The following CACNA2D3 variants were observed in gnomAD, a reference collection of about 807,000 sequenced individuals.
CACNA2D3 encodes the protein voltage-dependent calcium channel subunit alpha-2/delta-3.
Under a neutral mutation model 160.6 loss-of-function variants are expected in CACNA2D3, and 60 were observed. The observed-to-expected ratio is 0.37, with a 90% CI of 0.30 to 0.46. The LOEUF (loss-of-function observed/expected upper bound fraction) is 0.46. Among genes scored for constraint, CACNA2D3 ranks in the 20% least tolerant of loss-of-function variants. The pLI, the probability that CACNA2D3 is intolerant of heterozygous loss-of-function variation, is 1.00. For synonymous variants in CACNA2D3, 558 were observed against 492.9 expected (o/e 1.13, Z -1.75); for missense variants, 1,205 against 1,365.0 (o/e 0.88, Z 1.85).
chr3:54,786,919 A>G (rs760505679), intron 13 of CACNA2D3, among the ~76,000 whole-genome samples: 1 of 152,216 alleles, frequency 6.6e-6, no homozygotes, highest in Non-Finnish European at 1.5e-5. Flanking sequence ...TGAATGTATG[A>G]CTTCAACTTG....
chr3:54,757,701 A>G (rs1047426818), intron 12 of CACNA2D3, among the ~76,000 whole-genome samples: 1 of 152,262 alleles, frequency 6.6e-6, no homozygotes, highest in Admixed American at 6.5e-5. Flanking sequence ...ACTAAGTGCC[A>G]GGCATAGAAC....
At chr3:54,504,808 G>A (rs148635967) in intron 5 of CACNA2D3, among the ~76,000 whole-genome samples, 1 of 152,162 alleles carries the variant, frequency 6.6e-6, no homozygotes, top group African/African-American at 2.4e-5. Context: ...GCCTTTCTGA[G>A]GCTCAGTTTC....
chr3:54,613,427 C>A (rs535017055), intron 9 of CACNA2D3, among the ~76,000 whole-genome samples: 2 of 152,278 alleles, frequency 1.3e-5, no homozygotes, highest in East Asian at 3.9e-4. Flanking sequence ...GTTTCCATTT[C>A]TTGTGAATTA....
At position 54,123,527 on chromosome 3, in the gene CACNA2D3, C is replaced by T. The variant is rs746985752; in HGVS notation, c.137C>T (p.Ala46Val). The T allele has an allele frequency of 1.2e-6, 2 of 1,613,692 alleles. No homozygotes were observed. Among genetic ancestry groups the T allele is most frequent in the Non-Finnish European group, 1.7e-6 (2 of 1,179,684 alleles). The stretch of plus-strand genomic sequence containing the variant: ...TCTCCCTGTAGGGTGAAGCTCTGGG[C>T]CTCGGCTTTTGGTGGGGAGATAAAA... ...QIPLSVVKLWASAFGGEIKSI... is the reference protein window; with the variant it reads ...QIPLSVVKLWVSAFGGEIKSI... The change falls in exon 2 of 38, where the codon GCC becomes GTC. Residue 46 changes from alanine to valine, a missense_variant. Physicochemically the swap from Ala to Val is moderately conservative, Grantham distance 64. This residue lies in a region of CACNA2D3 where 163 missense variants were observed against 161.3 expected (regional missense o/e 1.01). Coordinates refer to ENST00000474759, the MANE Select transcript of CACNA2D3 (RefSeq NM_018398.3).
At chr3:54,319,548 T>A (rs929492136) in intron 2 of CACNA2D3, among the ~76,000 whole-genome samples, 2 of 152,246 alleles carry the variant, frequency 1.3e-5, no homozygotes, top group South Asian at 4.1e-4. Flanking sequence ...AAAAGTGTTA[T>A]AAACTTCATT....
intron 29 of CACNA2D3, among the ~76,000 whole-genome samples, chr3:54,980,357 G>A (rs1178169742): frequency 6.6e-6 from 1 of 152,100 alleles, no homozygotes; most frequent in Admixed American, 6.5e-5. Flanking sequence ...TTTAACTTTA[G>A]TCAATGTCCA....
chr3:54,139,626 A>G (rs1699882895), intron 2 of CACNA2D3, among the ~76,000 whole-genome samples: 1 of 152,208 alleles, frequency 6.6e-6, no homozygotes, highest in Non-Finnish European at 1.5e-5. Context: ...AAGTTCTGTG[A>G]TATTTTAGAC....
chr3:55,042,448 C>A (rs1303896195), intron 35 of CACNA2D3, among the ~76,000 whole-genome samples: 1 of 152,154 alleles, frequency 6.6e-6, no homozygotes, highest in East Asian at 1.9e-4. Flanking sequence ...TTTGTCTGAT[C>A]TTAATTTAGC....
chr3:54,949,518 A>G (rs1701702071), intron 27 of CACNA2D3, among the ~76,000 whole-genome samples: 1 of 152,172 alleles, frequency 6.6e-6, no homozygotes, highest in Non-Finnish European at 1.5e-5. Context: ...GTTGGGTTCA[A>G]TGGCCCACTC....
intron 13 of CACNA2D3, among the ~76,000 whole-genome samples, chr3:54,792,711 AG>A (rs1702786017): frequency 6.6e-6 from 1 of 152,102 alleles, no homozygotes; most frequent in South Asian, 2.1e-4. Flanking sequence ...TTCCAGCTAA[AG>A]CCCTGGTGCC....
Position 54,636,841 on chromosome 3 carries a change from G to A in CACNA2D3, c.1054-5287G>A, listed in dbSNP as rs1406745730. On this transcript the variant is annotated intron_variant, in intron 10 of 37. Coordinates refer to ENST00000474759, the MANE Select transcript of CACNA2D3 (RefSeq NM_018398.3). ...TTTGGGCTTGACTGAAGTAATGGGG[G>A]CTGTCTGTGAAGCCTTGTGGCAGTA... is the stretch of plus-strand genomic sequence containing the variant. Among the ~76,000 whole-genome samples, 4 of 152,036 alleles carry A rather than the reference G, an allele frequency of 2.6e-5. No individual in the cohort carries two copies. In the East Asian group the frequency reaches 7.7e-4, roughly 29 times the overall value.
At chr3:54,188,188 A>G (rs913515320) in intron 2 of CACNA2D3, among the ~76,000 whole-genome samples, 5 of 152,030 alleles carry the variant, frequency 3.3e-5, no homozygotes, top group South Asian at 2.1e-4. Flanking sequence ...CATCTTTTCT[A>G]TTGCAACTCA....
chr3:54,867,919 A>T (rs776053631), intron 17 of CACNA2D3, among the ~76,000 whole-genome samples: 3 of 152,210 alleles, frequency 2.0e-5, no homozygotes, highest in Admixed American at 6.5e-5. Flanking sequence ...CACATGAAGG[A>T]TGGTTGTACC....
At chr3:54,304,773 C>T (rs1703558360) in intron 2 of CACNA2D3, among the ~76,000 whole-genome samples, 1 of 152,140 alleles carries the variant, frequency 6.6e-6, no homozygotes, top group Non-Finnish European at 1.5e-5. Flanking sequence ...TATTTTTCTC[C>T]ATTTTAGGTT....
At chr3:54,143,777 G>C (rs1235708352) in intron 2 of CACNA2D3, among the ~76,000 whole-genome samples, 1 of 152,142 alleles carries the variant, frequency 6.6e-6, no homozygotes, top group Non-Finnish European at 1.5e-5. Context: ...GGAATTACAG[G>C]CATGAGCCAC....
intron 29 of CACNA2D3, among the ~76,000 whole-genome samples, chr3:54,980,695 C>T (rs1254607024): frequency 2.6e-5 from 4 of 152,184 alleles, no homozygotes; most frequent in African/African-American, 7.2e-5. Flanking sequence ...GAGGGCATGA[C>T]TCTCCATATG....
chr3:54,415,875 C>T (rs772527192), intron 4 of CACNA2D3, among the ~76,000 whole-genome samples: 4 of 152,090 alleles, frequency 2.6e-5, no homozygotes, highest in Non-Finnish European at 5.9e-5. Flanking sequence ...GTAACATTGA[C>T]CTCATTTTTC....
rs923195762 is a variant in CACNA2D3 at position 54,459,779 on chromosome 3, G to A, written c.382-43713G>A. Among the ~76,000 whole-genome samples the A allele has an allele frequency of 1.8e-4, 28 of 151,924 alleles. 1 individual carries two copies. In the South Asian group the frequency reaches 3.1e-3, roughly 17 times the overall value. On this transcript the variant is annotated intron_variant, in intron 4 of 37. Coordinates refer to ENST00000474759, the MANE Select transcript of CACNA2D3 (RefSeq NM_018398.3). ...TGTGCAGAAGCTGTTTAGTTTAATTGTATCCCATTTGTCAATTTTGGCTTT... is the reference window on the plus strand; with the variant it reads ...TGTGCAGAAGCTGTTTAGTTTAATTATATCCCATTTGTCAATTTTGGCTTT...
intron 4 of CACNA2D3, among the ~76,000 whole-genome samples, chr3:54,453,438 A>G (rs1700343797): frequency 6.6e-6 from 1 of 152,122 alleles, no homozygotes; most frequent in Non-Finnish European, 1.5e-5. Flanking sequence ...ACTTCAACAT[A>G]TCTTTTGGGG....
Sources: allele counts gnomAD v4.1 joint callset (sites outside exome capture counted in the v4.1 genomes callset), GRCh38; gene constraint gnomAD v4.1.1; regional missense constraint gnomAD v4.1.1; transcripts MANE v1.5; gene names NCBI Gene and HGNC (gene_info 2026-07-23, HGNC 2026-07-21).